Variants in CEP128 observed in about 807,000 individuals in gnomAD.
The protein encoded by CEP128 is centrosomal protein 128.
Under a neutral mutation model 156.7 loss-of-function variants are expected in CEP128, and 132 were observed. That is an observed-to-expected ratio of 0.84 (90% CI 0.73 to 0.97). CEP128 has a LOEUF of 0.97. CEP128 is among the 50% of genes least tolerant of loss of function. CEP128 has a pLI of 0.00. For missense variants in CEP128, 1,252 were observed against 1,281.9 expected (o/e 0.98, Z 0.36); for synonymous variants, 469 against 448.9 (o/e 1.04, Z -0.57).
intron 19 of CEP128, among the ~76,000 whole-genome samples, chr14:80,702,068 C>T (rs1292714087): frequency 6.6e-6 from 1 of 152,186 alleles, no homozygotes; most frequent in Non-Finnish European, 1.5e-5. Flanking sequence ...AAAGCTCCTT[C>T]CCTGTTTTCT....
At chr14:80,487,047 G>T (rs889457686), downstream of CEP128, among the ~76,000 whole-genome samples, 18 of 152,166 alleles carry the variant, frequency 1.2e-4, no homozygotes, top group Admixed American at 3.3e-4. Flanking sequence ...AATGTAAATG[G>T]GCTAAATGCT....
At chr14:80,478,114 C>A (rs1341497576) in exon 15 of CEP128, 2 of 151,992 alleles carry the variant, frequency 1.3e-5, no homozygotes, top group Non-Finnish European at 2.9e-5. Context: ...ACTAGCAGAG[C>A]GTTCTTTCAG....
At chr14:80,580,491 G>A in intron 19 of CEP128, 68 bp from the exon 20 acceptor site, 1 of 890,688 alleles carries the variant, frequency 1.1e-6, no homozygotes, top group Non-Finnish European at 1.9e-6. Flanking sequence ...ATCATCAAAT[G>A]CAATTCAGCC....
chr14:80,815,772 T>A (rs1884815979), intron 13 of CEP128, among the ~76,000 whole-genome samples: 1 of 152,200 alleles, frequency 6.6e-6, no homozygotes, highest in Non-Finnish European at 1.5e-5. Context: ...TCATGTCTTT[T>A]GCAACAACAT....
At chr14:80,893,829 AT>A (rs1889220538) in intron 8 of CEP128, among the ~76,000 whole-genome samples, 1 of 152,000 alleles carries the variant, frequency 6.6e-6, no homozygotes, top group Non-Finnish European at 1.5e-5. Context: ...GGATAGACAA[AT>A]AAACTAGGGG....
At chr14:80,716,475 G>A (rs1897609792) in intron 19 of CEP128, among the ~76,000 whole-genome samples, 1 of 152,138 alleles carries the variant, frequency 6.6e-6, no homozygotes, top group Non-Finnish European at 1.5e-5. Context: ...AACTGTTCAG[G>A]ACATTTCATA....
chr14:80,851,206 G>C (rs72693014), intron 9 of CEP128, among the ~76,000 whole-genome samples: 5,235 of 152,206 alleles, frequency 0.034, 103 homozygotes, highest in Non-Finnish European at 0.053. Context: ...AAGGGTAAAC[G>C]AGATGCACAA....
At chr14:80,651,118 G>A (rs1894884470) in intron 19 of CEP128, among the ~76,000 whole-genome samples, 1 of 152,104 alleles carries the variant, frequency 6.6e-6, no homozygotes, top group African/African-American at 2.4e-5. Flanking sequence ...TCTATTCAGG[G>A]ATTCAACTTC....
chr14:80,933,178 C>A (rs992888526), intron 2 of CEP128, among the ~76,000 whole-genome samples: 3 of 152,134 alleles, frequency 2.0e-5, no homozygotes, highest in African/African-American at 7.2e-5. Context: ...GTTTCCTGCC[C>A]ATCATTCGTG....
chr14:80,894,056 A>G (rs1889230298), intron 8 of CEP128, among the ~76,000 whole-genome samples: 1 of 152,024 alleles, frequency 6.6e-6, no homozygotes, highest in Non-Finnish European at 1.5e-5. Context: ...ATAAGCTTCT[A>G]AATGATTACA....
chr14:80,586,387 G>A (rs923342041), intron 19 of CEP128, among the ~76,000 whole-genome samples: 4 of 152,146 alleles, frequency 2.6e-5, no homozygotes, highest in African/African-American at 9.7e-5. Context: ...ACTGAGTTCC[G>A]AGATCAAATG....
At chr14:80,797,415 T>G (rs759086591) in intron 13 of CEP128, among the ~76,000 whole-genome samples, 49 of 152,350 alleles carry the variant, frequency 3.2e-4, no homozygotes, top group Admixed American at 7.8e-4. Flanking sequence ...TTTTCACTAC[T>G]CAAGAGAAAG....
intron 18 of CEP128, among the ~76,000 whole-genome samples, chr14:80,745,063 C>T (rs865799612): frequency 3.3e-5 from 5 of 152,150 alleles, no homozygotes; most frequent in Non-Finnish European, 7.3e-5. Flanking sequence ...AATCTCATGT[C>T]GAATTATAAT....
intron 19 of CEP128, among the ~76,000 whole-genome samples, chr14:80,580,801 G>A (rs1891558699): frequency 6.6e-6 from 1 of 151,974 alleles, no homozygotes; most frequent in Non-Finnish European, 1.5e-5. Flanking sequence ...TTTTTCTTTT[G>A]AAAGAAAAAT....
At chr14:80,913,797 T>C (rs1020949911) in intron 4 of CEP128, among the ~76,000 whole-genome samples, 1 of 152,072 alleles carries the variant, frequency 6.6e-6, no homozygotes, top group Non-Finnish European at 1.5e-5. Flanking sequence ...GGGTAAAAGA[T>C]GAAAACCTAT....
At chr14:80,881,928 A>C (rs1888570743) in intron 8 of CEP128, among the ~76,000 whole-genome samples, 1 of 152,224 alleles carries the variant, frequency 6.6e-6, no homozygotes, top group Admixed American at 6.5e-5. Flanking sequence ...GGAAACACTG[A>C]AAGCCTTTCC....
rs1010824068 is a variant in CEP128, at chr14:80,490,912, T to C, written c.*11-190A>G. ...TCACAATCATCTGGAGGACTTGTTG[T>C]AACACAGATCGTTGGCGCCATCACC... On this transcript the variant is annotated intron_variant, in intron 6 of 6. Transcript: ENST00000556061. 1.1e-3 allele frequency among the ~76,000 whole-genome samples: 159 copies of C among 150,588 alleles called. 1 individual carries two copies. Among genetic ancestry groups the C allele is most frequent in the Middle Eastern group, 3.4e-3 (1 of 294 alleles).
intron 19 of CEP128, among the ~76,000 whole-genome samples, chr14:80,673,426 G>A (rs1351281964): frequency 6.6e-5 from 10 of 151,066 alleles, no homozygotes; most frequent in African/African-American, 1.7e-4. Flanking sequence ...GGCGGATCAC[G>A]AGGTCAGGAG....
rs1383067122 is a variant in CEP128, at chr14:80,504,947, C to T, written c.3146G>A (p.Arg1049His). Reference protein sequence around the residue: ...DHSSSWQDHSRFLSSPRFSYV... With the variant: ...DHSSSWQDHSHFLSSPRFSYV... ...TGAAAATCTTGGACTAGACAGGAAGCGACTGTGATCCTGCCAAGAGGATGA... is the reference window on the plus strand; with the variant it reads ...TGAAAATCTTGGACTAGACAGGAAGTGACTGTGATCCTGCCAAGAGGATGA... The change falls in exon 24 of 25, where the codon CGC (arginine) becomes CAC (histidine). Residue 1049 changes from arginine to histidine, a missense_variant. Coordinates refer to ENST00000555265, the MANE Select transcript of CEP128 (RefSeq NM_152446.5). The T allele has an allele frequency of 6.9e-6, 11 of 1,604,542 alleles. No homozygotes were observed. Among genetic ancestry groups the T allele is most frequent in the Non-Finnish European group, 9.4e-6 (11 of 1,174,256 alleles).
Sources: allele counts gnomAD v4.1 joint callset (sites outside exome capture counted in the v4.1 genomes callset), GRCh38; gene constraint gnomAD v4.1.1; transcripts MANE v1.5; gene names NCBI Gene and HGNC (gene_info 2026-07-23, HGNC 2026-07-21).